The following ITIH1 variants were observed in gnomAD, a reference collection of about 807,000 sequenced individuals.
The protein encoded by ITIH1 is inter-alpha-trypsin inhibitor heavy chain H1.
In ITIH1, 94 loss-of-function variants were observed where a neutral mutation model predicts 104.6. The ratio of observed to expected loss-of-function variants is 0.90; its 90% CI spans 0.76 to 1.07. The LOEUF is 1.07. Ranked by LOEUF, ITIH1 falls within the 50% of genes least tolerant of loss-of-function variation. ITIH1 has a pLI of 0.00. For missense variants in ITIH1, 1,193 were observed against 1,181.4 expected (o/e 1.01, Z -0.14); for synonymous variants, 455 against 464.4 (o/e 0.98, Z 0.26).
chr3:52,778,352 G>C lies in ITIH1; in HGVS notation c.151G>C (p.Val51Leu), dbSNP rs201399012. 3.7e-6 allele frequency: 6 copies of C among 1,614,210 alleles called. No homozygotes were observed. The East Asian group carries it at 1.1e-4, about 30-fold the overall frequency. Reference sequence around the variant, plus strand: ...TGTCTCACTTTAGGCTGTCGATGGCGTGTTCATCCGGAGTTTGAAAGTCAA... The same window carrying C: ...TGTCTCACTTTAGGCTGTCGATGGCCTGTTCATCCGGAGTTTGAAAGTCAA... Reference protein sequence around the residue: ...RQAVDTAVDGVFIRSLKVNCK... With the variant: ...RQAVDTAVDGLFIRSLKVNCK... Residue 51 changes from valine to leucine, a missense_variant, in exon 3 of 22, where the codon GTG (valine) becomes CTG (leucine). By Grantham distance (32) the Val-to-Leu change is conservative. Coordinates refer to ENST00000273283, the MANE Select transcript of ITIH1 (RefSeq NM_002215.4).
chr3:52,787,732 C>T, intron 16 of ITIH1, 120 bp downstream of exon 16: 1 of 1,230,064 alleles, frequency 8.1e-7, no homozygotes, highest in South Asian at 1.2e-5. Flanking sequence ...TTAGAACAGA[C>T]CTCTGAACAG....
In ITIH1 at chr3:52,785,043, G is replaced by A; in HGVS notation, c.1408-1G>A. 1 of 1,613,902 alleles carries A rather than the reference G, an allele frequency of 6.2e-7. No homozygotes were observed. On this transcript the variant is annotated splice_acceptor_variant, in intron 11 of 21. Coordinates refer to ENST00000273283, the MANE Select transcript of ITIH1 (RefSeq NM_002215.4). LOFTEE classifies it high-confidence loss of function. ...TAAGGCTGCAACCTCTATCCCTGCA[G>A]GGTTTCTACAGCCAGGTAGCCAAAC...
chr3:52,782,920 G>A, intron 8 of ITIH1, 37 bp from the exon 9 acceptor site: 1 of 1,607,198 alleles, frequency 6.2e-7, no homozygotes, highest in Non-Finnish European at 8.5e-7. Flanking sequence ...GGCCACCCTG[G>A]GGCCCTGTCT....
rs1698990338 is a variant in ITIH1 at position 52,779,762 on chromosome 3, CTGAA to C, written c.573+170_573+173del. On this transcript the variant is annotated intron_variant, in intron 5 of 21. Coordinates refer to ENST00000273283, the MANE Select transcript of ITIH1 (RefSeq NM_002215.4). The surrounding 1 kb of genome is among the most constrained non-coding windows in gnomAD (Gnocchi z 4.4). ...GTGCTCTTCTTGGGCAGGGAACTCC[CTGAA>C]TTCTCTAACTTCCTCTTTATCTCTG... The C allele has an allele frequency of 1.9e-6, 2 of 1,041,354 alleles. No individual in the cohort carries two copies. Among genetic ancestry groups the C allele is most frequent in the Non-Finnish European group, 2.8e-6 (2 of 716,400 alleles). The allele number at this position is 1,041,354 out of a possible 1,614,324, so 64.5% of individuals were successfully genotyped here.
At chr3:52,778,298 A>C (rs372698118) in intron 2 of ITIH1, 42 bp from the exon 3 acceptor site, 1 of 1,592,588 alleles carries the variant, frequency 6.3e-7, no homozygotes. Flanking sequence ...TCGCTGACAG[A>C]GGCCCTGTCT....
At position 52,781,204 on chromosome 3, in the gene ITIH1, TTTTTTTC is replaced by T. The variant is rs1346190742; in HGVS notation, c.688-733_688-727del. 1.9e-3 allele frequency among the ~76,000 whole-genome samples: 233 copies of T among 121,290 alleles called. 23 individuals are homozygous for T. The highest frequency in any genetic ancestry group is 8.0e-3 in the East Asian group (37 of 4,646). The allele number at this position is 121,290 out of a possible 152,430, so 79.6% of individuals were successfully genotyped here. ...CCTTCACCTCCTCCTCTTCTTTTTTTTTTTTTCTTCTTCTTCTTCTTCTTCTTCTTCT... is the reference window on the plus strand; with the variant it reads ...CCTTCACCTCCTCCTCTTCTTTTTTTTTCTTCTTCTTCTTCTTCTTCTTCT... On this transcript the variant is annotated intron_variant, in intron 6 of 21. Coordinates refer to ENST00000273283, the MANE Select transcript of ITIH1 (RefSeq NM_002215.4).
At chr3:52,778,216 G>T in intron 2 of ITIH1, 124 bp from the exon 3 acceptor site, 1 of 1,143,112 alleles carries the variant, frequency 8.7e-7, no homozygotes, top group Non-Finnish European at 1.3e-6. Context: ...GTCTTCCTGC[G>T]GTCTGTTCTT....
At chr3:52,786,811 A>T (rs892439755) in intron 13 of ITIH1, 134 bp from the exon 14 acceptor site, 3 of 1,042,464 alleles carry the variant, frequency 2.9e-6, no homozygotes, top group Non-Finnish European at 4.1e-6. Context: ...ACTGCATAGG[A>T]CACCATGGGG....
chr3:52,787,942 G>A (rs753294346), intron 16 of ITIH1, 44 bp from the exon 17 acceptor site: 1 of 1,565,550 alleles, frequency 6.4e-7, no homozygotes, highest in Non-Finnish European at 8.8e-7. Context: ...CTCCAGGGAA[G>A]GCCTGGCTGC....
rs1698968146 is a variant in ITIH1, at chr3:52,778,802, T to C, written c.306-140T>C. 5 of 1,053,406 alleles carry C rather than the reference T, an allele frequency of 4.7e-6. No individual in the cohort carries two copies. The South Asian group carries it at 6.0e-5, about 13-fold the overall frequency. The allele number at this position is 1,053,406 out of a possible 1,614,324, so 65.3% of individuals were successfully genotyped here. On this transcript the variant is annotated intron_variant, in intron 3 of 21. Transcript: ENST00000273283. ...CCTGGGCTGCTCACCTCATTGCCCA[T>C]GGACCCCTGAGTTCCACCATGGGCA... is the stretch of plus-strand genomic sequence containing the variant.
Position 52,783,340 on chromosome 3 carries a change from G to A in ITIH1, c.1225+1G>A. ...TTGACAGATGGCGATCCCACAGAGGGTAAGCACCTTGGGGGCTGCCTTGGG... is the reference window on the plus strand; with the variant it reads ...TTGACAGATGGCGATCCCACAGAGGATAAGCACCTTGGGGGCTGCCTTGGG... On this transcript the variant is annotated splice_donor_variant, in intron 10 of 21. Transcript: ENST00000273283. LOFTEE classifies it high-confidence loss of function. 6 of 1,613,764 alleles carry A rather than the reference G, an allele frequency of 3.7e-6. No individual in the cohort carries two copies. The South Asian group carries it at 6.6e-5, about 18-fold the overall frequency.
At chr3:52,780,467 C>T in intron 6 of ITIH1, 85 bp downstream of exon 6, 1 of 897,332 alleles carries the variant, frequency 1.1e-6, no homozygotes, top group Non-Finnish European at 1.7e-6. Context: ...CAGCCTTAGC[C>T]CAGAAACCAG....
At chr3:52,790,981 G>T in intron 20 of ITIH1, 60 bp downstream of exon 20, 2 of 1,515,722 alleles carry the variant, frequency 1.3e-6, no homozygotes, top group Non-Finnish European at 8.8e-7. Context: ...AGGACATGTG[G>T]GACCTGGGGC....
rs1559461278 is a variant in ITIH1 at position 52,781,212 on chromosome 3, TTCTTCTTCTTC to T, written c.688-726_688-716del. On this transcript the variant is annotated intron_variant, in intron 6 of 21. Transcript: ENST00000273283. ...TCCTCCTCTTCTTTTTTTTTTTTTC[TTCTTCTTCTTC>T]TTCTTCTTCTTCTTCTTCTTCTTCT... is the stretch of plus-strand genomic sequence containing the variant. 3.2e-3 allele frequency among the ~76,000 whole-genome samples: 44 copies of T among 13,912 alleles called. 3 individuals carry two copies. The highest frequency in any genetic ancestry group is 5.7e-3 in the Admixed American group (7 of 1,220). 9.1% of individuals were successfully genotyped at this position (13,912 alleles called of 152,430 possible).
chr3:52,788,121 G>GCTGTCTCTCTCTCT, intron 17 of ITIH1, 55 bp downstream of exon 17: 1 of 1,535,200 alleles, frequency 6.5e-7, no homozygotes, highest in South Asian at 1.2e-5. Flanking sequence ...ACCCTATCTG[G>GCTGTCTCTCTCTCT]CTGTCTCTCT....
At position 52,778,505 on chromosome 3, in the gene ITIH1, G is replaced by A. The variant is rs373768121; in HGVS notation, c.304G>A (p.Val102Ile). The A allele has an allele frequency of 9.0e-5, 145 of 1,614,164 alleles. No individual in the cohort carries two copies. The highest frequency in any genetic ancestry group is 3.3e-4 in the Middle Eastern group (2 of 6,048). The change falls in exon 3 of 22, where the codon GTT becomes ATT. Residue 102 changes from valine to isoleucine, a missense_variant and splice_region_variant. Transcript: ENST00000273283. The stretch of plus-strand genomic sequence containing the variant: ...GACAGCATTCATCAGTGACTTTGCC[G>A]TGTGCGTGCCTGCCCAACTCCCATG... ...PKTAFISDFA[V>I]TADGNAFIGD...
At position 52,787,083 on chromosome 3, in the gene ITIH1, C is replaced by T. The variant is rs374514081; in HGVS notation, c.1872C>T (p.Ile624=). 7.4e-6 allele frequency: 12 copies of T among 1,614,054 alleles called. No individual in the cohort carries two copies. Among genetic ancestry groups the T allele is most frequent in the Middle Eastern group, 1.6e-4 (1 of 6,082 alleles). ...MADQDGLKPT[I]DKPSEDSPPL... The stretch of plus-strand genomic sequence containing the variant: ...ACCAGGACGGCCTGAAGCCCACCAT[C>T]GACAAGCCCTCAGAGGGTATAGGCT... Residue 624 remains isoleucine, a synonymous_variant, in exon 14 of 22, where the codon ATC becomes ATT. Coordinates refer to ENST00000273283, the MANE Select transcript of ITIH1 (RefSeq NM_002215.4).
chr3:52,787,648 C>T (rs558621479), intron 16 of ITIH1, 36 bp downstream of exon 16: 2 of 1,610,060 alleles, frequency 1.2e-6, no homozygotes, highest in East Asian at 2.2e-5. Flanking sequence ...CACATCTCTA[C>T]CCCTCCTTGA....
chr3:52,784,183 G>C, intron 10 of ITIH1, 113 bp from the exon 11 acceptor site: 1 of 907,716 alleles, frequency 1.1e-6, no homozygotes, highest in Non-Finnish European at 1.7e-6. Flanking sequence ...CAGGAGCCTG[G>C]AGATGCTCTG....
Sources: gnomAD v4.1 joint callset for allele counts (sites outside exome capture counted in the v4.1 genomes callset) on GRCh38, gnomAD v4.1.1 for gene constraint, Gnocchi (gnomAD v3.1) non-coding constraint, MANE v1.5 for transcripts, NCBI Gene and HGNC (gene_info 2026-07-23, HGNC 2026-07-21) for gene names.